Variants in GPHA2 observed in about 807,000 individuals in gnomAD.
The protein encoded by GPHA2 is glycoprotein hormone subunit alpha 2.
In GPHA2, 12 loss-of-function variants were observed where a neutral mutation model predicts 15.3. The observed-to-expected ratio is 0.78, with a 90% CI of 0.50 to 1.27. The LOEUF is 1.27. Among genes scored for constraint, GPHA2 ranks in the 50% most tolerant of loss-of-function variants. The pLI, the probability that GPHA2 is intolerant of heterozygous loss-of-function variation, is 0.00. For synonymous variants in GPHA2, 61 were observed against 66.8 expected, an observed-to-expected ratio of 0.91 and a Z score of 0.42; for missense variants, 156 against 169.5, an observed-to-expected ratio of 0.92 and a Z score of 0.44.
In GPHA2 at chr11:64,934,939, C is replaced by A. The variant is rs780828702; in HGVS notation, c.288+52G>T. On this transcript the variant is annotated intron_variant, in intron 3 of 3. Coordinates refer to ENST00000279168, the MANE Select transcript of GPHA2 (RefSeq NM_130769.4). ...AGGGCTGTCTAGGATCTCCATCTCT[C>A]TGGTCTTCCCGCGACCCCAGCGTCC... 6 of 1,613,042 alleles carry A rather than the reference C, an allele frequency of 3.7e-6. No homozygotes were observed. The South Asian group carries it at 6.6e-5, about 18-fold the overall frequency.
chr11:64,935,162 T>C lies in GPHA2; in HGVS notation c.117A>G (p.Thr39=), dbSNP rs760224851. The change falls in exon 3 of 4, where the codon ACA becomes ACG. Residue 39 remains threonine (T), a synonymous_variant. Coordinates refer to ENST00000279168, the MANE Select transcript of GPHA2 (RefSeq NM_130769.4). ...AGGTGCCTTGGCGGTCACTTCGCAC[T>C]GTCACATTGAAGGCTAGAAGGAGAT... ...PGCHLHPFNV[T]VRSDRQGTCQ... 6.2e-6 allele frequency: 10 copies of C among 1,613,468 alleles called. 1 individual carries two copies. The South Asian group carries it at 1.1e-4, about 18-fold the overall frequency.
rs1363973405 is a variant in GPHA2 at position 64,934,669 on chromosome 11, A to G, written c.*104T>C. 7.7e-6 allele frequency: 7 copies of G among 906,150 alleles called. No homozygotes were observed. Among genetic ancestry groups the G allele is most frequent in the Non-Finnish European group, 1.3e-5 (7 of 540,648 alleles). The allele number at this position is 906,150 out of a possible 1,614,324, so 56.1% of individuals were successfully genotyped here. A position where few individuals can be genotyped will look rare whatever the true frequency, so the allele number is the denominator to read the frequency against. On this transcript the variant is annotated 3_prime_UTR_variant, in exon 4 of 4. Coordinates refer to ENST00000279168, the MANE Select transcript of GPHA2 (RefSeq NM_130769.4). Reference sequence around the variant, plus strand: ...TAAAAAAATTCCATAGCAAGTAACCATCAGGGCTGGAGCTCCTTCCAGTTT... The same window carrying G: ...TAAAAAAATTCCATAGCAAGTAACCGTCAGGGCTGGAGCTCCTTCCAGTTT...
Position 64,934,781 on chromosome 11 carries a change from G to A in GPHA2, c.382C>T (p.Arg128Cys), listed in dbSNP as rs200288260. 2.2e-4 allele frequency: 357 copies of A among 1,613,696 alleles called. 1 individual carries two copies. Among genetic ancestry groups the A allele is most frequent in the Non-Finnish European group, 2.0e-4 (238 of 1,179,594 alleles). ...GGAGGGGAGAGGATGGGCTAGTAGC[G>A]AGAGAGGCGACACATGTCACACTGG... ...ACQCDMCRLS[R>C]Y is the part of the protein sequence containing the mutation. Residue 128 changes from arginine to cysteine, a missense_variant, in exon 4 of 4, where the codon CGC (arginine) becomes TGC (cysteine). Transcript: ENST00000279168.
intron 2 of GPHA2, 71 bp from the exon 3 acceptor site, chr11:64,935,246 G>T (rs1441698234): frequency 6.6e-7 from 1 of 1,516,274 alleles, no homozygotes; most frequent in Non-Finnish European, 9.0e-7. Flanking sequence ...CCCGTTGCCT[G>T]TGCCTCAGTG....
chr11:64,935,507 T>C (rs1214679749), intron 1 of GPHA2, 47 bp from the exon 2 acceptor site: 1 of 1,319,962 alleles, frequency 7.6e-7, no homozygotes, highest in East Asian at 2.4e-5. Flanking sequence ...GCAGGTGGGA[T>C]GGCGAGTTCT....
At position 64,934,881 on chromosome 11, in the gene GPHA2, G is replaced by C; in HGVS notation, c.289-7C>G. On this transcript the variant is annotated splice_region_variant and splice_polypyrimidine_tract_variant and intron_variant, in intron 3 of 3. Transcript: ENST00000279168. ...ACTGCAGCTGTACTTTGACCTGCGG[G>C]AGAGGGGAGTCCGTGCTGCAGTCCC... is the stretch of plus-strand genomic sequence containing the variant. The C allele has an allele frequency of 6.2e-7, 1 of 1,613,606 alleles. No individual in the cohort carries two copies. The highest frequency in any genetic ancestry group is 8.5e-7 in the Non-Finnish European group (1 of 1,179,576).
At chr11:64,936,160 G>A (rs1172908449), upstream of GPHA2, among the ~76,000 whole-genome samples, 4 of 152,174 alleles carry the variant, frequency 2.6e-5, no homozygotes, top group Non-Finnish European at 5.9e-5. Flanking sequence ...CGTGTGTGCA[G>A]CTGACGACAC....
intron 1 of GPHA2, 148 bp from the exon 2 acceptor site, chr11:64,935,608 CCT>C (rs1428539545): frequency 1.7e-6 from 1 of 598,466 alleles, no homozygotes; most frequent in Non-Finnish European, 3.0e-6. Flanking sequence ...CCTGTATCTG[CCT>C]TTGTGTGTGT....
At chr11:64,935,611 T>TTGTG (rs150478676) in intron 1 of GPHA2, 151 bp from the exon 2 acceptor site, 1,124 of 561,678 alleles carry the variant, frequency 2.0e-3, no homozygotes, top group Non-Finnish European at 2.4e-3. Context: ...GTATCTGCCT[T>TTGTG]TGTGTGTGTG....
rs1364181447 is a variant in GPHA2 at position 64,935,146 on chromosome 11, G to A, written c.133C>T (p.Gln45Ter). 3 of 1,613,798 alleles carry A rather than the reference G, an allele frequency of 1.9e-6. No homozygotes were observed. The East Asian group carries it at 6.7e-5, about 36-fold the overall frequency. ...ACGTGGGAGCCCTGGCAGGTGCCTT[G>A]GCGGTCACTTCGCACTGTCACATTG... Reference protein sequence around the residue: ...PFNVTVRSDRQGTCQGSHVAQ... With the variant: ...PFNVTVRSDR Residue 45 changes from glutamine (Q) to a stop codon, truncating the protein, a stop_gained, in exon 3 of 4, where the codon CAA (glutamine) becomes TAA (stop). Coordinates refer to ENST00000279168, the MANE Select transcript of GPHA2 (RefSeq NM_130769.4). LOFTEE classifies it high-confidence loss of function.
chr11:64,934,741 G>A lies in GPHA2; in HGVS notation c.*32C>T, dbSNP rs1945270129. On this transcript the variant is annotated 3_prime_UTR_variant, in exon 4 of 4. Transcript: ENST00000279168. Reference sequence around the variant, plus strand: ...CCCCCACCAGAACGTCAAGCCCTGTGACCCAGGGGAGGAAGGAGGGGAGAG... The same window carrying A: ...CCCCCACCAGAACGTCAAGCCCTGTAACCCAGGGGAGGAAGGAGGGGAGAG... The A allele has an allele frequency of 6.4e-7, 1 of 1,562,248 alleles. No homozygotes were observed. The highest frequency in any genetic ancestry group is 1.4e-5 in the African/African-American group (1 of 73,992).
upstream of GPHA2, among the ~76,000 whole-genome samples, chr11:64,936,398 C>A (rs544141902): frequency 6.9e-4 from 105 of 152,260 alleles, 1 homozygote; most frequent in Non-Finnish European, 1.8e-4. Flanking sequence ...CCATCCTCCC[C>A]CTTAGCCTCC....
At chr11:64,935,567 G>T in intron 1 of GPHA2, 107 bp from the exon 2 acceptor site, 1 of 700,364 alleles carries the variant, frequency 1.4e-6, no homozygotes, top group Non-Finnish European at 2.4e-6. Context: ...GGTCTGACAG[G>T]TGAGGTGTGC....
rs199959769 is a variant in GPHA2, at chr11:64,935,169, T to C, written c.110A>G (p.Asn37Ser). The change falls in exon 3 of 4, where the codon AAT becomes AGT. Residue 37 changes from asparagine to serine, a missense_variant. Physicochemically the swap from Asn to Ser is conservative, Grantham distance 46. Coordinates refer to ENST00000279168, the MANE Select transcript of GPHA2 (RefSeq NM_130769.4). ...VIPGCHLHPF[N>S]VTVRSDRQGT... ...TTGGCGGTCACTTCGCACTGTCACA[T>C]TGAAGGCTAGAAGGAGATAGGCAAG... The C allele has an allele frequency of 7.0e-5, 113 of 1,612,882 alleles. No homozygotes were observed. Among genetic ancestry groups the C allele is most frequent in the Non-Finnish European group, 9.4e-5 (111 of 1,179,610 alleles).
upstream of GPHA2, among the ~76,000 whole-genome samples, chr11:64,937,119 A>G (rs1945300672): frequency 6.6e-6 from 1 of 152,142 alleles, no homozygotes; most frequent in African/African-American, 2.4e-5. Context: ...GAGCCAAAGG[A>G]AGCCTGTGGT....
chr11:64,935,197 G>A (rs147041760), intron 2 of GPHA2, 22 bp from the exon 3 acceptor site: 2 of 1,594,102 alleles, frequency 1.3e-6, no homozygotes, highest in Non-Finnish European at 1.7e-6. Flanking sequence ...TAGGCAAGCA[G>A]TAGACGGCGC....
rs1430361223 is a variant in GPHA2, at chr11:64,934,574, C to T, written c.*199G>A. 5.0e-6 allele frequency: 3 copies of T among 602,868 alleles called. No individual in the cohort carries two copies. Among genetic ancestry groups the T allele is most frequent in the South Asian group, 2.0e-5 (1 of 49,762 alleles). The allele number at this position is 602,868 out of a possible 1,614,324, so 37.3% of individuals were successfully genotyped here. ...GGCAGAGGCAGGGAAGAAGCAGAAACTCCCCTCTTCTCAGGTGACAGTCAC... is the reference window on the plus strand; with the variant it reads ...GGCAGAGGCAGGGAAGAAGCAGAAATTCCCCTCTTCTCAGGTGACAGTCAC... On this transcript the variant is annotated 3_prime_UTR_variant, in exon 4 of 4. Transcript: ENST00000279168.
rs745589221 is a variant in GPHA2, at chr11:64,934,941, G to C, written c.288+50C>G. 2.5e-6 allele frequency: 4 copies of C among 1,612,228 alleles called. No homozygotes were observed. In the Admixed American group the frequency reaches 5.0e-5, roughly 20 times the overall value. ...GGCTGTCTAGGATCTCCATCTCTCT[G>C]GTCTTCCCGCGACCCCAGCGTCCAT... On this transcript the variant is annotated intron_variant, in intron 3 of 3. Coordinates refer to ENST00000279168, the MANE Select transcript of GPHA2 (RefSeq NM_130769.4).
chr11:64,935,511 G>A (rs749478896), intron 1 of GPHA2, 51 bp from the exon 2 acceptor site: 58 of 1,283,858 alleles, frequency 4.5e-5, no homozygotes, highest in Non-Finnish European at 5.9e-5. Flanking sequence ...GTGGGATGGC[G>A]AGTTCTTTAA....
Sources: gnomAD v4.1 joint callset for allele counts (sites outside exome capture counted in the v4.1 genomes callset) on GRCh38, gnomAD v4.1.1 for gene constraint, MANE v1.5 for transcripts, NCBI Gene and HGNC (gene_info 2026-07-23, HGNC 2026-07-21) for gene names.